XIRP2: variants seen among roughly 807,000 people sequenced by gnomAD.
XIRP2 encodes the protein xin actin binding repeat containing 2, also known as xin actin-binding repeat-containing protein 2.
In XIRP2, 236 loss-of-function variants were observed where a neutral mutation model predicts 277.0. That is an observed-to-expected ratio of 0.85 (90% CI 0.77 to 0.95). The LOEUF (loss-of-function observed/expected upper bound fraction) is 0.95. XIRP2 is among the 40% of genes least tolerant of loss of function. The pLI is 0.00. For synonymous variants in XIRP2, 1,490 were observed against 1,416.5 expected, an observed-to-expected ratio of 1.05 and a Z score of -1.17; for missense variants, 4,640 against 4,157.5, an observed-to-expected ratio of 1.12 and a Z score of -3.19.
At chr2:167,038,419 A>G (rs1383410546) in intron 2 of XIRP2, among the ~76,000 whole-genome samples, 1 of 151,680 alleles carries the variant, frequency 6.6e-6, no homozygotes, top group African/African-American at 2.4e-5. Context: ...TCTTTAATAT[A>G]CATAAATATT....
At chr2:167,027,826 A>G (rs1688216461) in intron 2 of XIRP2, among the ~76,000 whole-genome samples, 1 of 152,096 alleles carries the variant, frequency 6.6e-6, no homozygotes, top group Admixed American at 6.6e-5. Flanking sequence ...TTACTACTAA[A>G]TAGGGAAAAG....
intron 2 of XIRP2, among the ~76,000 whole-genome samples, chr2:166,937,388 A>G (rs898277325): frequency 3.9e-5 from 6 of 152,152 alleles, no homozygotes; most frequent in African/African-American, 1.2e-4. Flanking sequence ...GCTGGATTAC[A>G]TTTATTTATT....
chr2:166,971,148 T>C (rs941533531), intron 2 of XIRP2, among the ~76,000 whole-genome samples: 1 of 152,046 alleles, frequency 6.6e-6, no homozygotes, highest in African/African-American at 2.4e-5. Context: ...TAGCATTTAA[T>C]ACAATTGTAA....
At chr2:167,211,282 A>G (rs1468479046) in intron 4 of XIRP2, among the ~76,000 whole-genome samples, 2 of 151,894 alleles carry the variant, frequency 1.3e-5, no homozygotes, top group Non-Finnish European at 2.9e-5. Context: ...TTTTTAGTAG[A>G]GACAGGATTT....
At chr2:167,242,527 C>T (rs1372914871) in intron 8 of XIRP2, 42 bp from the exon 9 acceptor site, 8 of 1,562,314 alleles carry the variant, frequency 5.1e-6, no homozygotes, top group South Asian at 1.2e-5. Context: ...GCCTCTGCCA[C>T]TACACTCACC....
At chr2:166,903,385 G>A in intron 1 of XIRP2, 80 bp from the exon 2 acceptor site, 1 of 1,396,838 alleles carries the variant, frequency 7.2e-7, no homozygotes, top group South Asian at 1.4e-5. Flanking sequence ...CCAAGAGCTG[G>A]TGCTCCTAGA....
chr2:166,894,609 AAT>A (rs1427397859), intron 1 of XIRP2, among the ~76,000 whole-genome samples: 1 of 152,244 alleles, frequency 6.6e-6, no homozygotes, highest in African/African-American at 2.4e-5. Context: ...GAGAAGAAAA[AAT>A]ATGTTTATAC....
At chr2:166,979,488 C>T (rs1686806576) in intron 2 of XIRP2, among the ~76,000 whole-genome samples, 1 of 150,344 alleles carries the variant, frequency 6.7e-6, no homozygotes, top group Admixed American at 6.6e-5. Flanking sequence ...CAATATATCA[C>T]CATTAAGTAA....
chr2:167,101,147 T>A (rs1690475742), intron 2 of XIRP2, among the ~76,000 whole-genome samples: 1 of 152,208 alleles, frequency 6.6e-6, no homozygotes, highest in African/African-American at 2.4e-5. Flanking sequence ...ACACATTTCA[T>A]CATTAAAATA....
In XIRP2 at chr2:167,149,861, G is replaced by A. The variant is rs538748028; in HGVS notation, c.562+13799G>A. ...AAAAAAGAAATAAAATATTTGCAGT[G>A]CATATAACCCACAACATATTAATAT... On this transcript the variant is annotated intron_variant, in intron 3 of 10. Coordinates refer to ENST00000409195, the MANE Select transcript of XIRP2 (RefSeq NM_152381.6). Among the ~76,000 whole-genome samples, 146 of 152,090 alleles carry A rather than the reference G, an allele frequency of 9.6e-4. 3 individuals are homozygous for A. In the South Asian group the frequency reaches 0.011, roughly 11 times the overall value.
intron 4 of XIRP2, among the ~76,000 whole-genome samples, chr2:167,214,222 G>GGAAGGAAGGAAGGAAGGAAGGA (rs1559024035): frequency 7.3e-5 from 5 of 68,450 alleles, no homozygotes; most frequent in African/African-American, 1.1e-4. Context: ...GGGAGGGAGG[G>GGAAGGAAGGAAGGAAGGAAGGA]AGGGAGGAAG....
At chr2:167,029,339 G>A (rs1688261153) in intron 2 of XIRP2, among the ~76,000 whole-genome samples, 1 of 152,098 alleles carries the variant, frequency 6.6e-6, no homozygotes, top group Non-Finnish European at 1.5e-5. Flanking sequence ...TTGGCTGTGA[G>A]TTTGTCATAA....
intron 2 of XIRP2, among the ~76,000 whole-genome samples, chr2:167,027,431 C>T (rs1433546581): frequency 6.6e-6 from 1 of 152,096 alleles, no homozygotes; most frequent in Non-Finnish European, 1.5e-5. Context: ...AAGTTTCTAA[C>T]TTCTTTGCCA....
Position 167,247,737 on chromosome 2 carries a change from A to G in XIRP2, c.6345A>G (p.Gln2115=), listed in dbSNP as rs761084709. The change falls in exon 9 of 11, where the codon CAA becomes CAG. Residue 2115 remains glutamine, a synonymous_variant. Transcript: ENST00000409195. ...LKKDDVFNSI[Q]SAGKTVGKQQ... ...AGGATGATGTCTTTAATTCCATCCA[A>G]TCTGCTGGTAAAACCGTTGGAAAGC... 9.9e-6 allele frequency: 16 copies of G among 1,613,498 alleles called. No individual in the cohort carries two copies. The highest frequency in any genetic ancestry group is 1.4e-5 in the Non-Finnish European group (16 of 1,179,742).
At chr2:166,937,928 G>T (rs1685567577) in intron 2 of XIRP2, among the ~76,000 whole-genome samples, 1 of 152,136 alleles carries the variant, frequency 6.6e-6, no homozygotes, top group South Asian at 2.1e-4. Context: ...ATTTCTGTGG[G>T]ATCGGTGGTG....
At chr2:167,200,781 C>A (rs1468278909) in intron 3 of XIRP2, among the ~76,000 whole-genome samples, 3 of 152,028 alleles carry the variant, frequency 2.0e-5, no homozygotes. Flanking sequence ...CCGACAGTAG[C>A]TGGGAAGTAG....
intron 2 of XIRP2, among the ~76,000 whole-genome samples, chr2:166,966,940 A>C (rs1239591499): frequency 6.6e-6 from 1 of 151,952 alleles, no homozygotes; most frequent in Non-Finnish European, 1.5e-5. Context: ...CTCATTTAAG[A>C]TCTACTGAAC....
intron 3 of XIRP2, among the ~76,000 whole-genome samples, chr2:167,143,487 G>A (rs1052497141): frequency 5.3e-5 from 8 of 152,098 alleles, no homozygotes; most frequent in Non-Finnish European, 1.0e-4. Context: ...GAAGGGATAC[G>A]GAAAGTAAGC....
chr2:167,029,205 C>T (rs961681985), intron 2 of XIRP2, among the ~76,000 whole-genome samples: 69 of 152,134 alleles, frequency 4.5e-4, no homozygotes, highest in African/African-American at 1.6e-3. Context: ...TTATTTCTTT[C>T]TGTTGCCTGA....
Sources: gnomAD v4.1 joint callset for allele counts (sites outside exome capture counted in the v4.1 genomes callset) on GRCh38, gnomAD v4.1.1 for gene constraint, MANE v1.5 for transcripts, NCBI Gene and HGNC (gene_info 2026-07-23, HGNC 2026-07-21) for gene names.